Variants in TRIP6 observed in about 807,000 individuals in gnomAD.
TRIP6 encodes thyroid receptor-interacting protein 6.
In TRIP6, 33 loss-of-function variants were observed where a neutral mutation model predicts 51.9. The observed-to-expected ratio is 0.64, with a 90% confidence interval of 0.48 to 0.85. The LOEUF is 0.85. TRIP6 is among the 40% of genes least tolerant of loss of function. TRIP6 has a pLI of 0.00. For synonymous variants in TRIP6, 255 were observed against 275.8 expected (o/e 0.92, Z 0.75); for missense variants, 661 against 652.1 (o/e 1.01, Z -0.15).
At chr7:100,872,891 C>T (rs1815303228) in intron 8 of TRIP6, 147 bp downstream of exon 8, 14 of 1,329,760 alleles carry the variant, frequency 1.1e-5, no homozygotes, top group Non-Finnish European at 1.2e-5. Context: ...TGCTCTGTTG[C>T]CCAGGCTGGA....
rs1584717148 is a variant in TRIP6, at chr7:100,867,947, C to T, written c.196C>T (p.Pro66Ser). ...CCCAGGGGGACCGGAGGATCGGGGG[C>T]CGGCGTGGGTGGGGTCCCATGGAGT... ...QAPGGPEDRG[P>S]AWVGSHGVLQ... The change falls in exon 2 of 9, where the codon CCG (proline) becomes TCG (serine). Residue 66 changes from proline (P) to serine (S), a missense_variant. Coordinates refer to ENST00000200457, the MANE Select transcript of TRIP6 (RefSeq NM_003302.3). This position sits in a 1 kb window ranked among gnomAD's most constrained non-coding sequence, Gnocchi z 5.4. The T allele has an allele frequency of 1.3e-6, 2 of 1,514,246 alleles. No individual in the cohort carries two copies. Among genetic ancestry groups the T allele is most frequent in the African/African-American group, 1.4e-5 (1 of 71,174 alleles). The allele number at this position is 1,514,246 out of a possible 1,614,324, so 93.8% of individuals were successfully genotyped here.
chr7:100,871,144 C>T, intron 6 of TRIP6: 1 of 487,142 alleles, frequency 2.1e-6, no homozygotes. Context: ...AAGCGATTCT[C>T]ATGCCTCAGG....
intron 3 of TRIP6, 39 bp from the exon 4 acceptor site, chr7:100,868,456 G>C (rs1304606094): frequency 1.2e-6 from 2 of 1,612,788 alleles, no homozygotes; most frequent in Non-Finnish European, 8.5e-7. Flanking sequence ...CTTGGAGTGG[G>C]GTCCTTGCTT....
chr7:100,867,677 T>C lies in TRIP6; in HGVS notation c.109+71T>C, dbSNP rs542216243. Reference sequence around the variant, plus strand: ...TCACCTCTGTCCTACCGCTCCAGCCTCCCGCCCTGGCTGCTTCCTCCTGCC... The same window carrying C: ...TCACCTCTGTCCTACCGCTCCAGCCCCCCGCCCTGGCTGCTTCCTCCTGCC... On this transcript the variant is annotated intron_variant, in intron 1 of 8. Transcript: ENST00000200457. The surrounding 1 kb of genome is among the most constrained non-coding windows in gnomAD (Gnocchi z 5.4). The C allele has an allele frequency of 6.4e-7, 1 of 1,566,786 alleles. No individual in the cohort carries two copies. The highest frequency in any genetic ancestry group is 1.8e-5 in the Admixed American group (1 of 55,554).
In TRIP6 at chr7:100,868,665, G is replaced by A; in HGVS notation, c.534G>A (p.Val178=). The change falls in exon 4 of 9, where the codon GTG becomes GTA. Residue 178 remains valine, a synonymous_variant. Transcript: ENST00000200457. ...FPVQVKVAQP[V]RGCGPPRRGA... ...TGCAAGTGAAGGTGGCACAGCCAGT[G>A]AGGGGCTGCGGCCCACCCAGGCGGG... 2 of 1,608,154 alleles carry A rather than the reference G, an allele frequency of 1.2e-6. No individual in the cohort carries two copies. The highest frequency in any genetic ancestry group is 2.2e-5 in the East Asian group (1 of 44,760).
At chr7:100,870,234 A>G (rs1815239468) in intron 4 of TRIP6, 136 bp from the exon 5 acceptor site, 3 of 811,898 alleles carry the variant, frequency 3.7e-6, no homozygotes, top group Admixed American at 2.3e-5. Flanking sequence ...GTAAATACAG[A>G]TGAAGCTTTG....
chr7:100,871,318 A>G, intron 6 of TRIP6: 3 of 596,060 alleles, frequency 5.0e-6, no homozygotes, highest in Non-Finnish European at 3.0e-6. Flanking sequence ...TACAGGCGTG[A>G]GCCACTGCAC....
chr7:100,867,997 C>T lies in TRIP6; in HGVS notation c.237+9C>T, dbSNP rs66775024. The stretch of plus-strand genomic sequence containing the variant: ...TACTCCAGCACACGCAGGTGAGACC[C>T]GGGATCGTGGGGTGGGACATGTGGG... On this transcript the variant is annotated intron_variant, in intron 2 of 8. Transcript: ENST00000200457. This position sits in a 1 kb window ranked among gnomAD's most constrained non-coding sequence, Gnocchi z 5.4. The T allele has an allele frequency of 0.029, 44,332 of 1,514,860 alleles. 1,525 individuals carry two copies. The highest frequency in any genetic ancestry group is 0.17 in the African/African-American group (12,172 of 71,378). The allele number at this position is 1,514,860 out of a possible 1,614,324, so 93.8% of individuals were successfully genotyped here. A position where few individuals can be genotyped will look rare whatever the true frequency, so the allele number is the denominator to read the frequency against.
Position 100,867,566 on chromosome 7 carries a change from C to A in TRIP6, c.69C>A (p.Ile23=), listed in dbSNP as rs11539290. ...EPARAPQGRA[I]PRGTPGPPPA... ...CCAGAGCCCCTCAGGGGAGGGCGAT[C>A]CCCCGCGGCACCCCGGGGCCACCAC... Residue 23 remains isoleucine (I), a synonymous_variant, in exon 1 of 9, where the codon ATC becomes ATA. Transcript: ENST00000200457. The surrounding 1 kb of genome is among the most constrained non-coding windows in gnomAD (Gnocchi z 5.4). The A allele has an allele frequency of 3.9e-6, 6 of 1,540,064 alleles. No individual in the cohort carries two copies. The African/African-American group carries it at 5.5e-5, about 14-fold the overall frequency.
chr7:100,871,736 C>T lies in TRIP6; in HGVS notation c.1178+15C>T. 6.2e-7 allele frequency: 1 copy of T among 1,610,296 alleles called. No individual in the cohort carries two copies. Among genetic ancestry groups the T allele is most frequent in the Non-Finnish European group, 8.5e-7 (1 of 1,177,278 alleles). On this transcript the variant is annotated intron_variant, in intron 7 of 8. Transcript: ENST00000200457. ...GACTTTCACAGGTCAGGCCTGGCCT[C>T]CACCTTGTCTCACAATGTCTGACCT...
Position 100,868,715 on chromosome 7 carries a change from TCCCGGGCCCCC to T in TRIP6, c.585_595del (p.Pro196LeufsTer8), listed in dbSNP as rs1563002192. The T allele has an allele frequency of 6.4e-7, 1 of 1,570,866 alleles. No individual in the cohort carries two copies. The highest frequency in any genetic ancestry group is 1.9e-5 in the Admixed American group (1 of 52,164). On this transcript the variant is annotated frameshift_variant, in exon 4 of 9. Transcript: ENST00000200457. LOFTEE classifies it high-confidence loss of function. ...GGAGCCTCTCAGGCCTCTGGGCCCC[TCCCGGGCCCCC>T]ACTTTCCTCTCCCAGGCCGAGGTGA... is the stretch of plus-strand genomic sequence containing the variant.
rs193225030 is a variant in TRIP6 at position 100,873,059 on chromosome 7, C to T, written c.1300-113C>T. 2,464 of 1,425,390 alleles carry T rather than the reference C, an allele frequency of 1.7e-3. 9 individuals are homozygous for T. Among genetic ancestry groups the T allele is most frequent in the East Asian group, 2.9e-3 (117 of 40,564 alleles). 88.3% of individuals were successfully genotyped at this position (1,425,390 alleles called of 1,614,324 possible). A position where few individuals can be genotyped will look rare whatever the true frequency, so the allele number is the denominator to read the frequency against. Reference sequence around the variant, plus strand: ...AGAGACAGGGTTTCACCATATTGGCCAGGCTGGTCTTGAACTCCTGACCTT... The same window carrying T: ...AGAGACAGGGTTTCACCATATTGGCTAGGCTGGTCTTGAACTCCTGACCTT... On this transcript the variant is annotated intron_variant, in intron 8 of 8. Coordinates refer to ENST00000200457, the MANE Select transcript of TRIP6 (RefSeq NM_003302.3).
chr7:100,872,650 G>A lies in TRIP6; in HGVS notation c.1205G>A (p.Cys402Tyr). Reference protein sequence around the residue: ...HRKFAPRCSVCGGAIMPEPGQ... With the variant: ...HRKFAPRCSVYGGAIMPEPGQ... ...AAGTTTGCCCCAAGATGCTCAGTGTGCGGTGGGGCCATAATGCCTGAGCCA... is the reference window on the plus strand; with the variant it reads ...AAGTTTGCCCCAAGATGCTCAGTGTACGGTGGGGCCATAATGCCTGAGCCA... The change falls in exon 8 of 9, where the codon TGC (cysteine) becomes TAC (tyrosine). Residue 402 changes from cysteine (C) to tyrosine (Y), a missense_variant. By Grantham distance (194) the Cys-to-Tyr change is radical. Transcript: ENST00000200457. 1 of 1,614,072 alleles carries A rather than the reference G, an allele frequency of 6.2e-7. No homozygotes were observed. The highest frequency in any genetic ancestry group is 8.5e-7 in the Non-Finnish European group (1 of 1,179,972).
At chr7:100,869,380 C>A (rs1192645484) in intron 4 of TRIP6, among the ~76,000 whole-genome samples, 2 of 150,778 alleles carry the variant, frequency 1.3e-5, no homozygotes, top group African/African-American at 4.9e-5. Flanking sequence ...TGCCTGTAAT[C>A]CCAGCACTTT....
intron 7 of TRIP6, 148 bp from the exon 8 acceptor site, chr7:100,872,476 T>C (rs1212519912): frequency 7.8e-7 from 1 of 1,276,764 alleles, no homozygotes; most frequent in Non-Finnish European, 1.1e-6. Context: ...GCCTCTCTCA[T>C]TCTCTTTGAC....
rs538314218 is a variant in TRIP6 at position 100,873,189 on chromosome 7, C to T, written c.1317C>T (p.Leu439=). The T allele has an allele frequency of 1.4e-4, 227 of 1,612,662 alleles. No homozygotes were observed. The South Asian group carries it at 1.7e-3, about 12-fold the overall frequency. Residue 439 remains leucine, a synonymous_variant, in exon 9 of 9, where the codon CTC becomes CTT. Coordinates refer to ENST00000200457, the MANE Select transcript of TRIP6 (RefSeq NM_003302.3). ...TTCAACAGGAGTGTGGGCTGCTGCT[C>T]TCCTCTGAGGGCGAGTGTCAGGGCT... ...CYKCEECGLL[L]SSEGECQGCY... is the part of the protein sequence containing the mutation.
intron 2 of TRIP6, 48 bp downstream of exon 2, chr7:100,868,036 G>A (rs551393402): frequency 1.3e-6 from 2 of 1,537,560 alleles, no homozygotes; most frequent in Middle Eastern, 1.8e-4. Flanking sequence ...CCCCAGAACC[G>A]AGTCTGAGGG....
At position 100,871,730 on chromosome 7, in the gene TRIP6, T is replaced by G; in HGVS notation, c.1178+9T>G. ...ATTGAGGACTTTCACAGGTCAGGCC[T>G]GGCCTCCACCTTGTCTCACAATGTC... is the stretch of plus-strand genomic sequence containing the variant. On this transcript the variant is annotated intron_variant, in intron 7 of 8. Transcript: ENST00000200457. 6.2e-7 allele frequency: 1 copy of G among 1,611,612 alleles called. No individual in the cohort carries two copies. Among genetic ancestry groups the G allele is most frequent in the Non-Finnish European group, 8.5e-7 (1 of 1,178,228 alleles).
At chr7:100,871,053 T>TG in intron 6 of TRIP6, 1 of 551,424 alleles carries the variant, frequency 1.8e-6, no homozygotes, top group East Asian at 4.4e-5. Context: ...TGTTTTTTTT[T>TG]GAGACAGTCT....
Sources: allele counts gnomAD v4.1 joint callset (sites outside exome capture counted in the v4.1 genomes callset), GRCh38; gene constraint gnomAD v4.1.1; non-coding constraint Gnocchi (gnomAD v3.1); transcripts MANE v1.5; gene names NCBI Gene and HGNC (gene_info 2026-07-23, HGNC 2026-07-21).